BRAF: variants seen among roughly 807,000 people sequenced by gnomAD.
The protein encoded by BRAF is B-Raf proto-oncogene, serine/threonine kinase.
In BRAF, 16 loss-of-function variants were observed where a neutral mutation model predicts 104.6. That is an observed-to-expected ratio of 0.15 (90% CI 0.10 to 0.23). The LOEUF (loss-of-function observed/expected upper bound fraction) is 0.23, where lower values mean the gene tolerates loss of function less well. Ranked by LOEUF, BRAF falls within the 10% of genes least tolerant of loss-of-function variation. The pLI, the probability that BRAF is intolerant of heterozygous loss-of-function variation, is 1.00. For missense variants in BRAF, 541 were observed against 937.3 expected, an observed-to-expected ratio of 0.58 and a Z score of 5.52; for synonymous variants, 310 against 341.6, an observed-to-expected ratio of 0.91 and a Z score of 1.02.
At chr7:140,714,430 C>T (rs1032378852), downstream of BRAF, among the ~76,000 whole-genome samples, 1 of 152,068 alleles carries the variant, frequency 6.6e-6, no homozygotes, top group Non-Finnish European at 1.5e-5. Context: ...GGGAGTGATG[C>T]GATCCTAGCT....
At chr7:140,763,121 G>A (rs962019444) in intron 14 of BRAF, among the ~76,000 whole-genome samples, 8 of 152,324 alleles carry the variant, frequency 5.3e-5, no homozygotes, top group African/African-American at 1.7e-4. Flanking sequence ...TGAGCTGTTG[G>A]GTACACCTCC....
chr7:140,851,099 T>C (rs1162726532), intron 1 of BRAF, among the ~76,000 whole-genome samples: 1 of 152,166 alleles, frequency 6.6e-6, no homozygotes, highest in Non-Finnish European at 1.5e-5. Context: ...GCTCCAAGCC[T>C]TACCCATCAC....
rs146273011 is a variant in BRAF, at chr7:140,773,899, T to C, written c.1814+3013A>G. Among the ~76,000 whole-genome samples the C allele has an allele frequency of 8.3e-3, 1,263 of 152,334 alleles. 57 individuals are homozygous for C. The highest frequency in any genetic ancestry group is 0.075 in the Admixed American group (1,146 of 15,292). ...CTGATATTGTCTCATTCCTCTCTGT[T>C]ATCCCCATCCTTATGTGTCCATGCT... On this transcript the variant is annotated intron_variant, in intron 14 of 19. Coordinates refer to ENST00000644969, the MANE Select transcript of BRAF (RefSeq NM_001374258.1).
intron 1 of BRAF, among the ~76,000 whole-genome samples, chr7:140,896,560 C>G (rs1397820989): frequency 3.3e-5 from 5 of 151,786 alleles, no homozygotes; most frequent in Admixed American, 2.6e-4. Context: ...GAAATCCTGT[C>G]TCTACTAAAA....
At chr7:140,820,307 T>C (rs1805339740) in intron 3 of BRAF, among the ~76,000 whole-genome samples, 1 of 152,208 alleles carries the variant, frequency 6.6e-6, no homozygotes, top group South Asian at 2.1e-4. Flanking sequence ...CGCAAAGTTT[T>C]CAGTGTGTAT....
intron 5 of BRAF, among the ~76,000 whole-genome samples, chr7:140,804,593 G>A (rs1360065799): frequency 2.0e-5 from 3 of 151,938 alleles, no homozygotes; most frequent in Admixed American, 2.0e-4. Context: ...AAAGTGCTGG[G>A]ATTACAGGCG....
chr7:140,801,966 T>C (rs904945193), intron 5 of BRAF, among the ~76,000 whole-genome samples: 1 of 152,154 alleles, frequency 6.6e-6, no homozygotes, highest in Non-Finnish European at 1.5e-5. Flanking sequence ...GAAAGGCATA[T>C]ATTAAAGTTA....
chr7:140,868,755 A>G (rs1193951172), intron 1 of BRAF, among the ~76,000 whole-genome samples: 1 of 152,206 alleles, frequency 6.6e-6, no homozygotes, highest in African/African-American at 2.4e-5. Context: ...TTTGAAAAAA[A>G]GGAAACAATA....
rs762629462 is a variant in BRAF at position 140,724,230 on chromosome 7, G to A, written c.*2264C>T. Reference sequence around the variant, plus strand: ...GCCCCTGCCCCACGGAGGCAGTCCCGGACCCAGGCTGCACATGTTCTACCT... The same window carrying A: ...GCCCCTGCCCCACGGAGGCAGTCCCAGACCCAGGCTGCACATGTTCTACCT... On this transcript the variant is annotated 3_prime_UTR_variant, in exon 20 of 20. Transcript: ENST00000644969. 137 of 1,058,968 alleles carry A rather than the reference G, an allele frequency of 1.3e-4. No homozygotes were observed. The highest frequency in any genetic ancestry group is 1.5e-4 in the Non-Finnish European group (128 of 875,360). The allele number at this position is 1,058,968 out of a possible 1,614,324, so 65.6% of individuals were successfully genotyped here.
intron 2 of BRAF, among the ~76,000 whole-genome samples, chr7:140,845,664 G>GT (rs1251703658): frequency 2.6e-5 from 4 of 151,680 alleles, no homozygotes; most frequent in Non-Finnish European, 5.9e-5. Flanking sequence ...ATGAGGCTAT[G>GT]TTTTTTTTGT....
At chr7:140,804,909 T>C (rs1334415598) in intron 5 of BRAF, among the ~76,000 whole-genome samples, 1 of 152,064 alleles carries the variant, frequency 6.6e-6, no homozygotes, top group Non-Finnish European at 1.5e-5. Flanking sequence ...AGGCTCAAGT[T>C]ATCCTCCCAC....
At chr7:140,797,115 G>C (rs1802571530) in intron 7 of BRAF, among the ~76,000 whole-genome samples, 1 of 152,072 alleles carries the variant, frequency 6.6e-6, no homozygotes. Flanking sequence ...AATGATACCT[G>C]TACCTATCTT....
intron 1 of BRAF, among the ~76,000 whole-genome samples, chr7:140,894,988 G>A (rs966859674): frequency 2.0e-5 from 3 of 152,050 alleles, no homozygotes; most frequent in Admixed American, 2.0e-4. Context: ...TCTAGAAAAC[G>A]AATCAGCTCT....
At position 140,850,142 on chromosome 7, in the gene BRAF, C is replaced by T. The variant is rs2129073719; in HGVS notation, c.209G>A (p.Gly70Glu). 1 of 1,611,504 alleles carries T rather than the reference C, an allele frequency of 6.2e-7. No homozygotes were observed. Among genetic ancestry groups the T allele is most frequent in the South Asian group, 1.1e-5 (1 of 90,916 alleles). The stretch of plus-strand genomic sequence containing the variant: ...ATATATTGATGGTGGATTATGCTCC[C>T]CACCAAATTTGTCCAATAGGGCCTC... The part of the protein sequence containing the change: ...HIEALLDKFG[G>E]EHNPPSIYLE... Residue 70 changes from glycine to glutamate, a missense_variant, in exon 2 of 20, where the codon GGG (glycine) becomes GAG (glutamate). This residue lies in a region of BRAF where 86 missense variants were observed against 133.9 expected (regional missense o/e 0.64). Coordinates refer to ENST00000644969, the MANE Select transcript of BRAF (RefSeq NM_001374258.1).
intron 1 of BRAF, among the ~76,000 whole-genome samples, chr7:140,910,452 T>C (rs1816841977): frequency 6.6e-6 from 1 of 152,150 alleles, no homozygotes; most frequent in Non-Finnish European, 1.5e-5. Flanking sequence ...ATTAACAGTG[T>C]TATTGTTTAG....
At chr7:140,859,052 T>A (rs1810110852) in intron 1 of BRAF, among the ~76,000 whole-genome samples, 1 of 152,038 alleles carries the variant, frequency 6.6e-6, no homozygotes, top group Non-Finnish European at 1.5e-5. Flanking sequence ...CCAGAGCCAA[T>A]TAAAAAAAGA....
chr7:140,908,904 T>C (rs1350001562), intron 1 of BRAF, among the ~76,000 whole-genome samples: 1 of 138,278 alleles, frequency 7.2e-6, no homozygotes, highest in African/African-American at 2.5e-5. Flanking sequence ...TTCATCCACT[T>C]ATTTATTTGG....
chr7:140,894,040 G>T (rs906968491), intron 1 of BRAF, among the ~76,000 whole-genome samples: 2 of 152,054 alleles, frequency 1.3e-5, no homozygotes, highest in African/African-American at 4.8e-5. Flanking sequence ...AGGCCGAGAT[G>T]GGAGGATGGC....
In BRAF at chr7:140,787,117, C is replaced by T. The variant is rs796256164; in HGVS notation, c.1177+431G>A. Among the ~76,000 whole-genome samples the T allele has an allele frequency of 5.6e-4, 85 of 151,746 alleles. No homozygotes were observed. The South Asian group carries it at 0.016, about 29-fold the overall frequency. On this transcript the variant is annotated intron_variant, in intron 9 of 19. Transcript: ENST00000644969. ...GAGATCGAGACCATCCTGGCTAACA[C>T]GGTGAAACCCCGTCTCTACTAAAAA...
Sources: allele counts gnomAD v4.1 joint callset (sites outside exome capture counted in the v4.1 genomes callset), GRCh38; gene constraint gnomAD v4.1.1; regional missense constraint gnomAD v4.1.1; transcripts MANE v1.5; gene names NCBI Gene and HGNC (gene_info 2026-07-23, HGNC 2026-07-21).